The following GLYATL1 variants were observed in gnomAD, a reference collection of about 807,000 sequenced individuals.
The protein encoded by GLYATL1 is glycine N-acyltransferase-like protein 1.
In GLYATL1, 15 loss-of-function variants were observed where a neutral mutation model predicts 20.0. That is an observed-to-expected ratio of 0.75 (90% confidence interval 0.50 to 1.15). The LOEUF (loss-of-function observed/expected upper bound fraction) is 1.15. Ranked by LOEUF, GLYATL1 falls within the 50% of genes most tolerant of loss-of-function variation. GLYATL1 has a pLI of 0.00. For synonymous variants in GLYATL1, 151 were observed against 131.5 expected (o/e 1.15, Z -1.01); for missense variants, 380 against 368.5 (o/e 1.03, Z -0.26).
Position 58,955,246 on chromosome 11 carries a change from G to A in GLYATL1, c.384G>A (p.Ser128=), listed in dbSNP as rs747253672. The change falls in exon 6 of 7, where the codon TCG becomes TCA. Residue 128 remains serine (S), a synonymous_variant. Transcript: ENST00000532726. ...TFSKSVKVEH[S]RALLLVTEDI... is the part of the protein sequence containing the mutation. Reference sequence around the variant, plus strand: ...CAAAGTCAGTGAAAGTAGAGCATTCGAGAGCACTCCTCTTGGTTACGGAAG... The same window carrying A: ...CAAAGTCAGTGAAAGTAGAGCATTCAAGAGCACTCCTCTTGGTTACGGAAG... The A allele has an allele frequency of 1.1e-5, 17 of 1,613,958 alleles. No individual in the cohort carries two copies. Among genetic ancestry groups the A allele is most frequent in the Non-Finnish European group, 1.3e-5 (15 of 1,179,930 alleles).
chr11:58,954,997 C>A (rs1565136652), intron 5 of GLYATL1, 101 bp downstream of exon 5: 2 of 1,350,264 alleles, frequency 1.5e-6, no homozygotes, highest in Non-Finnish European at 2.0e-6. Flanking sequence ...AATGTAAATT[C>A]ACAGAAACTC....
intron 1 of GLYATL1, among the ~76,000 whole-genome samples, chr11:58,940,910 T>C (rs141563545): frequency 6.6e-6 from 1 of 152,242 alleles, no homozygotes; most frequent in Non-Finnish European, 1.5e-5. Flanking sequence ...AAGGCTTCAG[T>C]GAGTCTTGAT....
chr11:58,924,026 C>T (rs1043520548), upstream of GLYATL1, among the ~76,000 whole-genome samples: 2 of 152,088 alleles, frequency 1.3e-5, no homozygotes, highest in African/African-American at 2.4e-5. Flanking sequence ...CTGACCCAAA[C>T]GACCTATGAA....
downstream of GLYATL1, among the ~76,000 whole-genome samples, chr11:58,912,569 C>T (rs550760765): frequency 6.6e-6 from 1 of 152,308 alleles, no homozygotes; most frequent in South Asian, 2.1e-4. Flanking sequence ...AGACTTAGAG[C>T]CCTCTGAAAA....
At chr11:58,932,990 A>G (rs1042618712) in intron 1 of GLYATL1, among the ~76,000 whole-genome samples, 1 of 152,228 alleles carries the variant, frequency 6.6e-6, no homozygotes, top group Non-Finnish European at 1.5e-5. Flanking sequence ...TTTTGAATGT[A>G]GAATATGTTT....
Position 58,956,047 on chromosome 11 carries a change from A to T in GLYATL1, c.*20A>T, listed in dbSNP as rs371186911. ...TTTTAGACAATGAAGCTGCTTAGTA[A>T]TCTCTGCCAAGCCATCTCTTAATAT... is the stretch of plus-strand genomic sequence containing the variant. On this transcript the variant is annotated 3_prime_UTR_variant, in exon 7 of 7. Transcript: ENST00000532726. 1.5e-5 allele frequency: 24 copies of T among 1,594,350 alleles called. No individual in the cohort carries two copies. Among genetic ancestry groups the T allele is most frequent in the Admixed American group, 1.7e-5 (1 of 59,386 alleles).
exon 2 of GLYATL1, chr11:58,907,346 G>A (rs1407488778): frequency 2.2e-6 from 1 of 456,126 alleles, no homozygotes; most frequent in Non-Finnish European, 4.4e-6. Flanking sequence ...GCCCTTCCTT[G>A]CGACACTGGC....
Position 58,947,937 on chromosome 11 carries a change from A to C in GLYATL1, c.158A>C (p.Gln53Pro). Residue 53 changes from glutamine to proline, a missense_variant, in exon 4 of 7, where the codon CAG (glutamine) becomes CCG (proline). Transcript: ENST00000532726. The stretch of plus-strand genomic sequence containing the variant: ...CTGGTGGATTCCTGGCCTGAATATC[A>C]GATGGTTATTATCCGGCCTCAAAAG... ...EVLVDSWPEY[Q>P]MVIIRPQKQE... 6.2e-7 allele frequency: 1 copy of C among 1,613,796 alleles called. No individual in the cohort carries two copies. The highest frequency in any genetic ancestry group is 8.5e-7 in the Non-Finnish European group (1 of 1,179,728).
At chr11:58,944,594 C>G (rs2135201673) in intron 2 of GLYATL1, among the ~76,000 whole-genome samples, 1 of 152,178 alleles carries the variant, frequency 6.6e-6, no homozygotes, top group African/African-American at 2.4e-5. Flanking sequence ...ACTTTCACCA[C>G]CCAAAAACAA....
chr11:58,926,680 T>C (rs1237967778), upstream of GLYATL1, among the ~76,000 whole-genome samples: 1 of 151,132 alleles, frequency 6.6e-6, no homozygotes, highest in Non-Finnish European at 1.5e-5. Flanking sequence ...GGAATTTTGA[T>C]GATATCGAGT....
intron 4 of GLYATL1, among the ~76,000 whole-genome samples, chr11:58,951,730 C>T (rs1857011312): frequency 6.6e-6 from 1 of 151,914 alleles, no homozygotes; most frequent in Admixed American, 6.5e-5. Context: ...GTGATTTTTC[C>T]ATTAAGTTTA....
In GLYATL1 at chr11:58,954,772, G is replaced by A; in HGVS notation, c.189G>A (p.Glu63=). The A allele has an allele frequency of 6.2e-7, 1 of 1,603,122 alleles. No individual in the cohort carries two copies. The highest frequency in any genetic ancestry group is 8.5e-7 in the Non-Finnish European group (1 of 1,176,530). The change falls in exon 5 of 7, where the codon GAG becomes GAA. Residue 63 remains glutamate, a splice_region_variant and synonymous_variant. Transcript: ENST00000532726. Reference sequence around the variant, plus strand: ...TGATCTTATATCATCCAATACAGGAGATGACTGATGACATGGATTCATACA... The same window carrying A: ...TGATCTTATATCATCCAATACAGGAAATGACTGATGACATGGATTCATACA... The part of the protein sequence containing the change: ...QMVIIRPQKQ[E]MTDDMDSYTN...
At position 58,955,901 on chromosome 11, in the gene GLYATL1, A is replaced by G; in HGVS notation, c.783A>G (p.Pro261=). 6.2e-7 allele frequency: 1 copy of G among 1,614,196 alleles called. No individual in the cohort carries two copies. The highest frequency in any genetic ancestry group is 8.5e-7 in the Non-Finnish European group (1 of 1,180,044). Residue 261 remains proline, a synonymous_variant, in exon 7 of 7, where the codon CCA becomes CCG. Coordinates refer to ENST00000532726, the MANE Select transcript of GLYATL1 (RefSeq NM_001389712.2). ...AATATCTGCGTCAGAAGAATATTCC[A>G]TTTTACATCTCTGTGTTGGAAGAAA... ...YMKYLRQKNI[P]FYISVLEENE... is the part of the protein sequence containing the mutation.
chr11:58,922,150 G>A (rs1329839818), intron 1 of GLYATL1, among the ~76,000 whole-genome samples: 1 of 152,210 alleles, frequency 6.6e-6, no homozygotes, highest in Non-Finnish European at 1.5e-5. Flanking sequence ...GTATATGCCT[G>A]GGCATCAACT....
intron 1 of GLYATL1, among the ~76,000 whole-genome samples, chr11:58,922,075 G>A (rs748138167): frequency 1.3e-5 from 2 of 152,140 alleles, no homozygotes; most frequent in Non-Finnish European, 2.9e-5. Flanking sequence ...TAGCTCTGTG[G>A]GTGCTGAAAC....
upstream of GLYATL1, among the ~76,000 whole-genome samples, chr11:58,936,526 G>A (rs2135154325): frequency 6.6e-6 from 1 of 152,350 alleles, no homozygotes; most frequent in Non-Finnish European, 1.5e-5. Flanking sequence ...GAAGGAAGAA[G>A]GCAGGTGTCT....
chr11:58,936,533 G>A (rs1855844573), upstream of GLYATL1, among the ~76,000 whole-genome samples: 1 of 152,218 alleles, frequency 6.6e-6, no homozygotes, highest in Non-Finnish European at 1.5e-5. Flanking sequence ...GAAGGCAGGT[G>A]TCTTTCTTAA....
At position 58,956,350 on chromosome 11, in the gene GLYATL1, G is replaced by A. The variant is rs1857419508; in HGVS notation, c.*323G>A. The stretch of plus-strand genomic sequence containing the variant: ...AACTCTTTATGCAACTTGGTTAATA[G>A]AATCTACTATCTGGAAGATAAATGA... On this transcript the variant is annotated 3_prime_UTR_variant, in exon 7 of 7. Transcript: ENST00000532726. 2 of 292,282 alleles carry A rather than the reference G, an allele frequency of 6.8e-6. No individual in the cohort carries two copies. The highest frequency in any genetic ancestry group is 1.3e-5 in the Non-Finnish European group (2 of 156,938). The allele number at this position is 292,282 out of a possible 1,614,324, so 18.1% of individuals were successfully genotyped here. A position where few individuals can be genotyped will look rare whatever the true frequency, so the allele number is the denominator to read the frequency against.
chr11:58,923,129 G>A (rs926345838), upstream of GLYATL1, among the ~76,000 whole-genome samples: 1 of 152,128 alleles, frequency 6.6e-6, no homozygotes, highest in Admixed American at 6.5e-5. Flanking sequence ...GCTTCAGACC[G>A]AATCCCTTCT....
Sources: gnomAD v4.1 joint callset for allele counts (sites outside exome capture counted in the v4.1 genomes callset) on GRCh38, gnomAD v4.1.1 for gene constraint, MANE v1.5 for transcripts, NCBI Gene and HGNC (gene_info 2026-07-23, HGNC 2026-07-21) for gene names.